The following MCUB variants were observed in gnomAD, a reference collection of about 807,000 sequenced individuals.
MCUB encodes the protein calcium uniporter regulatory subunit MCUb, mitochondrial.
In MCUB, 46 loss-of-function variants were observed where a neutral mutation model predicts 41.4. That is an observed-to-expected ratio of 1.11 (90% CI 0.88 to 1.42). The LOEUF (loss-of-function observed/expected upper bound fraction) is 1.42. Among genes scored for constraint, MCUB ranks in the 40% most tolerant of loss-of-function variants. The pLI, the probability that MCUB is intolerant of heterozygous loss-of-function variation, is 0.00. For missense variants in MCUB, 403 were observed against 404.9 expected, an observed-to-expected ratio of 1.00 and a Z score of 0.04; for synonymous variants, 148 against 148.2, an observed-to-expected ratio of 1.00 and a Z score of 0.01.
At chr4:109,635,657 GGA>G (rs1277107123) in intron 1 of MCUB, among the ~76,000 whole-genome samples, 1 of 152,094 alleles carries the variant, frequency 6.6e-6, no homozygotes, top group Non-Finnish European at 1.5e-5. Context: ...TTTCGGCTTT[GGA>G]GCCTCCCTCC....
chr4:109,598,266 C>T (rs1351009402), intron 1 of MCUB, among the ~76,000 whole-genome samples: 12 of 151,774 alleles, frequency 7.9e-5, no homozygotes, highest in East Asian at 1.9e-4. Context: ...GAGGTTGTAG[C>T]GAGCCGAGAT....
At position 109,687,555 on chromosome 4, in the gene MCUB, T is replaced by C. The variant is rs528964008; in HGVS notation, c.974T>C (p.Leu325Ser). 10 of 1,612,856 alleles carry C rather than the reference T, an allele frequency of 6.2e-6. No homozygotes were observed. The African/African-American group carries it at 1.3e-4, about 21-fold the overall frequency. The change falls in exon 8 of 8, where the codon TTG (leucine) becomes TCG (serine). Residue 325 changes from leucine (L) to serine (S), a missense_variant. By Grantham distance (145) the Leu-to-Ser change is moderately radical. Coordinates refer to ENST00000394650, the MANE Select transcript of MCUB (RefSeq NM_017918.5). ...AAACAGGCGCGTCATTCTCTCTGTT[T>C]GCAAATGCAAGTAGAAGAACTCAAT... ...SLKQARHSLCLQMQVEELNEK... is the reference protein window; with the variant it reads ...SLKQARHSLCSQMQVEELNEK...
rs3733611 is a variant in MCUB, at chr4:109,682,628, T to C, written c.498T>C (p.Ser166=). The change falls in exon 5 of 8, where the codon TCT becomes TCC. Residue 166 remains serine, a synonymous_variant. Coordinates refer to ENST00000394650, the MANE Select transcript of MCUB (RefSeq NM_017918.5). ...EHTAEMEHMK[S]LVHRLFTILH... ...CTGCTGAGATGGAACACATGAAATC[T>C]TTGGTTCACAGACTATTTACAATCT... The C allele has an allele frequency of 0.67, 1,079,502 of 1,611,688 alleles. 363,821 individuals are homozygous for C. The highest frequency in any genetic ancestry group is 0.82 in the African/African-American group (61,383 of 74,886).
At chr4:109,609,741 A>C (rs150457113) in intron 1 of MCUB, among the ~76,000 whole-genome samples, 5 of 152,212 alleles carry the variant, frequency 3.3e-5, no homozygotes, top group African/African-American at 1.2e-4. Flanking sequence ...CACAGCACTG[A>C]GTCTTGCCCA....
intron 1 of MCUB, among the ~76,000 whole-genome samples, chr4:109,657,504 AAG>A (rs1352382441): frequency 6.6e-6 from 1 of 152,228 alleles, no homozygotes; most frequent in Non-Finnish European, 1.5e-5. Context: ...CAGTTTATAA[AAG>A]AATTATTCTT....
Position 109,684,453 on chromosome 4 carries a change from G to T in MCUB, c.623G>T (p.Gly208Val), listed in dbSNP as rs202038616. 112 of 1,610,772 alleles carry T rather than the reference G, an allele frequency of 7.0e-5. 1 individual carries two copies. Among genetic ancestry groups the T allele is most frequent in the Middle Eastern group, 3.3e-4 (2 of 6,016 alleles). ...QLQPLEQVKA[G>V]IEAHSEAKTS... is the part of the protein sequence containing the mutation. ...TTCATTCCCCCTCAGGTGAAAGCTG[G>T]AATAGAAGCTCATTCGGAAGCCAAA... The change falls in exon 6 of 8, where the codon GGA (glycine) becomes GTA (valine). Residue 208 changes from glycine (G) to valine (V), a missense_variant. Gly to Val is a moderately radical substitution (Grantham distance 109). Coordinates refer to ENST00000394650, the MANE Select transcript of MCUB (RefSeq NM_017918.5).
At chr4:109,586,575 C>T (rs1303585693) in intron 1 of MCUB, among the ~76,000 whole-genome samples, 1 of 152,102 alleles carries the variant, frequency 6.6e-6, no homozygotes, top group Admixed American at 6.5e-5. Context: ...CTGGTTTCTC[C>T]CCATCTTTGT....
intron 1 of MCUB, among the ~76,000 whole-genome samples, chr4:109,579,663 G>C (rs917764723): frequency 6.6e-6 from 1 of 152,076 alleles, no homozygotes; most frequent in Non-Finnish European, 1.5e-5. Context: ...TGAATGTATC[G>C]AGGAAGGGAA....
intron 4 of MCUB, among the ~76,000 whole-genome samples, chr4:109,667,997 C>A (rs780606708): frequency 6.6e-6 from 1 of 151,684 alleles, no homozygotes; most frequent in Non-Finnish European, 1.5e-5. Flanking sequence ...CACTGAGATC[C>A]GAAAGCATAC....
At chr4:109,580,126 G>A (rs758629445) in intron 1 of MCUB, among the ~76,000 whole-genome samples, 4 of 152,068 alleles carry the variant, frequency 2.6e-5, no homozygotes, top group East Asian at 3.9e-4. Context: ...GAGAACATGC[G>A]GTGTTTGGTT....
intron 1 of MCUB, among the ~76,000 whole-genome samples, chr4:109,640,428 A>G (rs1223626400): frequency 6.6e-6 from 1 of 152,226 alleles, no homozygotes; most frequent in East Asian, 1.9e-4. Flanking sequence ...ATCGTCTTCC[A>G]ATGCAAGGCA....
At chr4:109,639,120 G>C (rs1728662602) in intron 1 of MCUB, among the ~76,000 whole-genome samples, 1 of 152,102 alleles carries the variant, frequency 6.6e-6, no homozygotes, top group African/African-American at 2.4e-5. Context: ...TTTCTAGAAA[G>C]GTCTCAATGT....
chr4:109,671,300 C>A (rs1301151116), intron 4 of MCUB, among the ~76,000 whole-genome samples: 1 of 152,166 alleles, frequency 6.6e-6, no homozygotes, highest in Non-Finnish European at 1.5e-5. Context: ...ATTATTAGTT[C>A]AAATAGTGCT....
chr4:109,586,919 C>T (rs903560290), intron 1 of MCUB, among the ~76,000 whole-genome samples: 1 of 152,198 alleles, frequency 6.6e-6, no homozygotes, highest in Non-Finnish European at 1.5e-5. Context: ...AGGTCAGGGA[C>T]CCACTTGAGG....
At chr4:109,562,343 A>G (rs775693259) in intron 1 of MCUB, among the ~76,000 whole-genome samples, 6 of 152,358 alleles carry the variant, frequency 3.9e-5, no homozygotes, top group Non-Finnish European at 7.4e-5. Flanking sequence ...TTTTAAGCCA[A>G]CTGTCCAGCT....
At chr4:109,651,309 C>A (rs1425034575) in intron 1 of MCUB, among the ~76,000 whole-genome samples, 1 of 152,202 alleles carries the variant, frequency 6.6e-6, no homozygotes, top group Non-Finnish European at 1.5e-5. Flanking sequence ...AGTCTTCCAT[C>A]ATCCATTGAG....
In MCUB at chr4:109,687,573, A is replaced by G; in HGVS notation, c.992A>G (p.Glu331Gly). The G allele has an allele frequency of 3.1e-6, 5 of 1,608,696 alleles. No homozygotes were observed. Among genetic ancestry groups the G allele is most frequent in the Non-Finnish European group, 4.3e-6 (5 of 1,175,418 alleles). ...HSLCLQMQVE[E>G]LNEKN ...CTCTGTTTGCAAATGCAAGTAGAAG[A>G]ACTCAATGAAAAGAATTAATCTTAC... Residue 331 changes from glutamate (E) to glycine (G), a missense_variant, in exon 8 of 8, where the codon GAA becomes GGA. Coordinates refer to ENST00000394650, the MANE Select transcript of MCUB (RefSeq NM_017918.5).
intron 1 of MCUB, among the ~76,000 whole-genome samples, chr4:109,577,354 TA>T (rs1727054575): frequency 6.6e-6 from 1 of 152,212 alleles, no homozygotes; most frequent in Admixed American, 6.5e-5. Context: ...GTTTCATTAA[TA>T]ATACATGTAA....
rs112491451 is a variant in MCUB at position 109,608,812 on chromosome 4, G to T, written c.99+48376G>T. 6.6e-3 allele frequency among the ~76,000 whole-genome samples: 1,011 copies of T among 152,200 alleles called. 10 individuals carry two copies. The highest frequency in any genetic ancestry group is 0.011 in the Non-Finnish European group (730 of 67,996). On this transcript the variant is annotated intron_variant, in intron 1 of 7. Coordinates refer to ENST00000394650, the MANE Select transcript of MCUB (RefSeq NM_017918.5). Reference sequence around the variant, plus strand: ...CACCATACCCGGCCTGAAGAGTTAGGTATTTATTGTAGTCTTTGCAGTATG... The same window carrying T: ...CACCATACCCGGCCTGAAGAGTTAGTTATTTATTGTAGTCTTTGCAGTATG...
Sources: gnomAD v4.1 joint callset for allele counts (sites outside exome capture counted in the v4.1 genomes callset) on GRCh38, gnomAD v4.1.1 for gene constraint, MANE v1.5 for transcripts, NCBI Gene and HGNC (gene_info 2026-07-23, HGNC 2026-07-21) for gene names.